ERCC6L2: variants seen among roughly 807,000 people sequenced by gnomAD.
ERCC6L2 encodes the protein ERCC excision repair 6 like 2, also known as DNA excision repair protein ERCC-6-like 2.
ERCC6L2 carries 77 observed loss-of-function variants against 132.0 expected under a neutral mutation model. That is an observed-to-expected ratio of 0.58 (90% CI 0.49 to 0.71). ERCC6L2 has a LOEUF of 0.71. ERCC6L2 is among the 30% of genes least tolerant of loss of function. The pLI is 0.00. For synonymous variants in ERCC6L2, 583 were observed against 632.4 expected (o/e 0.92, Z 1.17); for missense variants, 1,542 against 1,837.6 (o/e 0.84, Z 2.94).
intron 16 of ERCC6L2, among the ~76,000 whole-genome samples, chr9:95,973,967 C>T (rs1430539382): frequency 6.6e-6 from 1 of 152,072 alleles, no homozygotes; most frequent in East Asian, 1.9e-4. Context: ...GTTCTTCTGT[C>T]TTCTATATTA....
rs913071598 is a variant in ERCC6L2, at chr9:95,881,322, C to A, written c.471+29C>A. Reference sequence around the variant, plus strand: ...TTTAATTATGTTATAACAGTAAAGTCACTTTACTGTGTACATGAGTGGATA... The same window carrying A: ...TTTAATTATGTTATAACAGTAAAGTAACTTTACTGTGTACATGAGTGGATA... On this transcript the variant is annotated intron_variant, in intron 2 of 18. Coordinates refer to ENST00000653738, the MANE Select transcript of ERCC6L2 (RefSeq NM_020207.7). 1.2e-5 allele frequency: 17 copies of A among 1,474,772 alleles called. No individual in the cohort carries two copies. In the African/African-American group the frequency reaches 1.8e-4, roughly 16 times the overall value. The allele number at this position is 1,474,772 out of a possible 1,614,324, so 91.4% of individuals were successfully genotyped here.
intron 18 of ERCC6L2, among the ~76,000 whole-genome samples, chr9:96,006,799 A>G (rs1289244357): frequency 6.6e-6 from 1 of 152,162 alleles, no homozygotes; most frequent in African/African-American, 2.4e-5. Flanking sequence ...TGAAGCCATA[A>G]GTTCAGAGGG....
chr9:95,928,347 C>A, intron 10 of ERCC6L2, 197 bp downstream of exon 10: 1 of 451,064 alleles, frequency 2.2e-6, no homozygotes, highest in Non-Finnish European at 3.9e-6. Flanking sequence ...ATATCAAACT[C>A]AAAGATAGAT....
At chr9:95,914,938 G>A (rs78331627) in intron 4 of ERCC6L2, among the ~76,000 whole-genome samples, 10,208 of 152,088 alleles carry the variant, frequency 0.067, 447 homozygotes, top group Non-Finnish European at 0.1. Context: ...TAATTTTCAT[G>A]TGTGGTGTGA....
chr9:96,009,436 C>T (rs73536558), intron 18 of ERCC6L2, among the ~76,000 whole-genome samples: 1,934 of 152,346 alleles, frequency 0.013, 54 homozygotes, highest in African/African-American at 0.045. Context: ...GTTCAGTCCT[C>T]CTCTCCTTCC....
chr9:95,968,156 A>C (rs562970568), intron 14 of ERCC6L2: 10 of 152,292 alleles, frequency 6.6e-5, no homozygotes, highest in African/African-American at 1.7e-4. Flanking sequence ...CAAAAACAAA[A>C]AAAAGTTCTC....
chr9:95,914,621 G>A (rs554188462), intron 4 of ERCC6L2, among the ~76,000 whole-genome samples: 43 of 152,204 alleles, frequency 2.8e-4, no homozygotes, highest in Admixed American at 1.5e-3. Context: ...CAAAGTGCTG[G>A]GATTACAAGC....
At chr9:95,975,886 T>A (rs1832649147) in intron 16 of ERCC6L2, among the ~76,000 whole-genome samples, 2 of 152,174 alleles carry the variant, frequency 1.3e-5, no homozygotes, top group South Asian at 2.1e-4. Context: ...TAAAAAAAAA[T>A]TTCTAAGTCT....
At chr9:95,980,577 T>C (rs1832850259) in intron 17 of ERCC6L2, among the ~76,000 whole-genome samples, 1 of 152,208 alleles carries the variant, frequency 6.6e-6, no homozygotes, top group African/African-American at 2.4e-5. Flanking sequence ...TCCCAATCAC[T>C]GATTTCATCA....
At position 95,972,833 on chromosome 9, in the gene ERCC6L2, G is replaced by A; in HGVS notation, c.3082G>A (p.Ala1028Thr). ...AATGAACAAAACAAACCAAGTGTAT[G>A]CAGCAAATGAGGATCATAACTCTCA... ...KTMNKTNQVY[A>T]ANEDHNSQFI... The change falls in exon 16 of 19, where the codon GCA (alanine) becomes ACA (threonine). Residue 1028 changes from alanine (A) to threonine (T), a missense_variant. By Grantham distance (58) the Ala-to-Thr change is moderately conservative. Around this residue, in one of 4 missense-constraint regions of ERCC6L2, gnomAD observed 945 missense variants for 1,105.2 expected, o/e 0.86. Coordinates refer to ENST00000653738, the MANE Select transcript of ERCC6L2 (RefSeq NM_020207.7). 1.5e-6 allele frequency: 2 copies of A among 1,304,976 alleles called. No homozygotes were observed. Among genetic ancestry groups the A allele is most frequent in the Non-Finnish European group, 2.0e-6 (2 of 988,914 alleles). 80.8% of individuals were successfully genotyped at this position (1,304,976 alleles called of 1,614,324 possible).
chr9:95,906,681 A>G (rs905099681), intron 3 of ERCC6L2: 4 of 457,716 alleles, frequency 8.7e-6, no homozygotes, highest in Non-Finnish European at 1.8e-5. Flanking sequence ...CCAGGAGACC[A>G]TATATTTCAA....
Position 95,972,002 on chromosome 9 carries a change from T to C in ERCC6L2, c.2251T>C (p.Cys751Arg), listed in dbSNP as rs1832435640. ...QAAEPLAKEA[C>R]DLCSDFSDEE... The stretch of plus-strand genomic sequence containing the variant: ...TGCAGAGCCACTGGCAAAGGAAGCA[T>C]GTGATCTCTGCAGTGACTTCAGTGA... The change falls in exon 16 of 19, where the codon TGT (cysteine) becomes CGT (arginine). Residue 751 changes from cysteine (C) to arginine (R), a missense_variant. Physicochemically the swap from Cys to Arg is radical, Grantham distance 180. Coordinates refer to ENST00000653738, the MANE Select transcript of ERCC6L2 (RefSeq NM_020207.7). 7.7e-7 allele frequency: 1 copy of C among 1,304,140 alleles called. No homozygotes were observed. The highest frequency in any genetic ancestry group is 1.0e-6 in the Non-Finnish European group (1 of 988,906). The allele number at this position is 1,304,140 out of a possible 1,614,324, so 80.8% of individuals were successfully genotyped here.
intron 6 of ERCC6L2, among the ~76,000 whole-genome samples, chr9:95,920,873 T>A (rs1225319692): frequency 6.6e-6 from 1 of 152,192 alleles, no homozygotes; most frequent in African/African-American, 2.4e-5. Flanking sequence ...GACTCCTTGG[T>A]TCAAGCGATT....
chr9:95,998,725 C>T (rs1013428491), intron 17 of ERCC6L2, among the ~76,000 whole-genome samples: 2 of 152,184 alleles, frequency 1.3e-5, no homozygotes, highest in African/African-American at 4.8e-5. Flanking sequence ...TTGACTTTAG[C>T]TTAGTGAGAC....
At chr9:95,954,875 C>T (rs774399486) in intron 12 of ERCC6L2, 5 of 471,044 alleles carry the variant, frequency 1.1e-5, no homozygotes, top group Non-Finnish European at 4.4e-6. Context: ...GTGAGATTTG[C>T]AGGATCCAAG....
intron 19 of ERCC6L2, among the ~76,000 whole-genome samples, chr9:96,031,753 A>G (rs1317844653): frequency 6.6e-6 from 1 of 152,142 alleles, no homozygotes; most frequent in Admixed American, 6.5e-5. Context: ...ATCCCTGGGG[A>G]CCCACTGCCT....
intron 17 of ERCC6L2, among the ~76,000 whole-genome samples, chr9:95,991,129 A>G (rs961051315): frequency 6.6e-6 from 1 of 151,714 alleles, no homozygotes; most frequent in Non-Finnish European, 1.5e-5. Flanking sequence ...TGGGCCCAGG[A>G]TGGGGGTAAG....
At chr9:95,902,520 T>C (rs1239798072) in intron 3 of ERCC6L2, among the ~76,000 whole-genome samples, 1 of 152,204 alleles carries the variant, frequency 6.6e-6, no homozygotes, top group East Asian at 1.9e-4. Context: ...ATGTTGCACA[T>C]GATGCTACCG....
chr9:96,009,859 G>A (rs573827844), intron 18 of ERCC6L2, among the ~76,000 whole-genome samples: 1 of 152,334 alleles, frequency 6.6e-6, no homozygotes, highest in Non-Finnish European at 1.5e-5. Context: ...CCTCCCAGAG[G>A]TGACAGCTCA....
Sources: gnomAD v4.1 joint callset for allele counts (sites outside exome capture counted in the v4.1 genomes callset) on GRCh38, gnomAD v4.1.1 for gene constraint, gnomAD v4.1.1 regional missense constraint, MANE v1.5 for transcripts, NCBI Gene and HGNC (gene_info 2026-07-23, HGNC 2026-07-21) for gene names.